Variants in NUDT3 observed in about 807,000 individuals in gnomAD.
NUDT3 encodes the protein nudix hydrolase 3, also known as diphosphoinositol polyphosphate phosphohydrolase 1.
NUDT3 carries 9 observed loss-of-function variants against 23.6 expected under a neutral mutation model. The ratio of observed to expected loss-of-function variants is 0.38; its 90% CI spans 0.23 to 0.66. The LOEUF (loss-of-function observed/expected upper bound fraction) is 0.66, where lower values mean the gene tolerates loss of function less well. NUDT3 is among the 30% of genes least tolerant of loss of function. The pLI is 0.52. For synonymous variants in NUDT3, 86 were observed against 82.6 expected, an observed-to-expected ratio of 1.04 and a Z score of -0.22; for missense variants, 172 against 218.5, an observed-to-expected ratio of 0.79 and a Z score of 1.34.
chr6:34,380,358 A>AT (rs967304656), intron 1 of NUDT3, among the ~76,000 whole-genome samples: 79 of 149,078 alleles, frequency 5.3e-4, no homozygotes, highest in Non-Finnish European at 9.4e-4. Flanking sequence ...AGCCCTATTT[A>AT]TTTTTTTTTT....
chr6:34,335,319 C>T (rs1764193004), intron 2 of NUDT3, among the ~76,000 whole-genome samples: 1 of 152,076 alleles, frequency 6.6e-6, no homozygotes, highest in Admixed American at 6.6e-5. Context: ...GAGTCGTGGC[C>T]TCATTTAATA....
chr6:34,372,966 A>AT (rs1228839563), intron 1 of NUDT3, among the ~76,000 whole-genome samples: 1 of 151,258 alleles, frequency 6.6e-6, no homozygotes, highest in Non-Finnish European at 1.5e-5. Context: ...ATATATATAC[A>AT]TAGAGAGAGA....
chr6:34,280,481 G>A lies in NUDT3; in HGVS notation c.*8272C>T, dbSNP rs1763268054. 2 of 151,434 alleles carry A rather than the reference G, an allele frequency of 1.3e-5. No individual in the cohort carries two copies. Among genetic ancestry groups the A allele is most frequent in the African/African-American group, 4.8e-5 (2 of 41,240 alleles). The allele number at this position is 151,434 out of a possible 1,614,324, so 9.4% of individuals were successfully genotyped here. ...TTATAACCCGCACAAGGTGCCAAGA[G>A]GTTTAAGGACCACAACTGACCTCTC... On this transcript the variant is annotated 3_prime_UTR_variant, in exon 5 of 5. Transcript: ENST00000607016.
intron 2 of NUDT3, among the ~76,000 whole-genome samples, chr6:34,325,508 G>A (rs893395844): frequency 1.3e-5 from 2 of 152,220 alleles, no homozygotes; most frequent in African/African-American, 4.8e-5. Flanking sequence ...ACTGCACCCA[G>A]ACAAAATTAT....
In NUDT3 at chr6:34,284,334, A is replaced by G. The variant is rs144840995; in HGVS notation, c.*4419T>C. ...GGACTAGGATGAAGCTGTATTATCA[A>G]TTACAGAGACAGCCAACTCTCATTT... is the stretch of plus-strand genomic sequence containing the variant. On this transcript the variant is annotated 3_prime_UTR_variant, in exon 5 of 5. Coordinates refer to ENST00000607016, the MANE Select transcript of NUDT3 (RefSeq NM_006703.4). The G allele has an allele frequency of 2.0e-5, 3 of 152,296 alleles. No homozygotes were observed. Among genetic ancestry groups the G allele is most frequent in the East Asian group, 1.9e-4 (1 of 5,182 alleles). 9.4% of individuals were successfully genotyped at this position (152,296 alleles called of 1,614,324 possible). A position where few individuals can be genotyped will look rare whatever the true frequency, so the allele number is the denominator to read the frequency against.
chr6:34,388,275 C>T (rs1765141887), intron 1 of NUDT3, among the ~76,000 whole-genome samples: 2 of 152,098 alleles, frequency 1.3e-5, no homozygotes, highest in South Asian at 2.1e-4. Flanking sequence ...CAACGTTAAG[C>T]GACACATGGC....
rs190427263 is a variant in NUDT3 at position 34,350,528 on chromosome 6, T to C, written c.100-8556A>G. 7.3e-5 allele frequency among the ~76,000 whole-genome samples: 11 copies of C among 151,092 alleles called. No homozygotes were observed. In the East Asian group the frequency reaches 2.1e-3, roughly 29 times the overall value. ...AAAGAACAGCTGTCACAAAGTCTTG[T>C]GCATGATGATCCCATAAAATGTTTA... On this transcript the variant is annotated intron_variant, in intron 1 of 4. Transcript: ENST00000607016.
intron 1 of NUDT3, among the ~76,000 whole-genome samples, chr6:34,388,997 G>C (rs914436081): frequency 2.6e-5 from 4 of 152,212 alleles, no homozygotes; most frequent in Admixed American, 2.6e-4. Context: ...GCCTGGCAAA[G>C]TGGCTCTTGC....
At chr6:34,316,657 G>T (rs189882744) in intron 2 of NUDT3, among the ~76,000 whole-genome samples, 2 of 152,278 alleles carry the variant, frequency 1.3e-5, no homozygotes, top group East Asian at 3.9e-4. Context: ...ATGTAAGATT[G>T]TATTTCCAAC....
intron 1 of NUDT3, among the ~76,000 whole-genome samples, chr6:34,348,194 G>C (rs971435228): frequency 6.6e-6 from 1 of 151,798 alleles, no homozygotes; most frequent in African/African-American, 2.4e-5. Context: ...GGTGAGGCAG[G>C]AGAATCGCTA....
intron 1 of NUDT3, among the ~76,000 whole-genome samples, chr6:34,363,599 GGT>G (rs545578500): frequency 3.4e-4 from 51 of 152,190 alleles, no homozygotes; most frequent in African/African-American, 1.2e-3. Flanking sequence ...GCATGGGCTA[GGT>G]GAGAGTTCTG....
intron 2 of NUDT3, among the ~76,000 whole-genome samples, chr6:34,312,068 A>G (rs1000378178): frequency 6.6e-6 from 1 of 152,220 alleles, no homozygotes; most frequent in Non-Finnish European, 1.5e-5. Flanking sequence ...GAAAAAATTG[A>G]TAAGATGAAC....
intron 1 of NUDT3, among the ~76,000 whole-genome samples, chr6:34,344,631 G>A (rs1268448432): frequency 2.0e-5 from 3 of 152,146 alleles, no homozygotes; most frequent in Non-Finnish European, 4.4e-5. Flanking sequence ...ATATGAAATG[G>A]TGATTGCCAA....
Position 34,285,923 on chromosome 6 carries a change from A to C in NUDT3, c.*2830T>G, listed in dbSNP as rs190947143. ...AACAGGAATCCATTCATGTCACTGAAAAATACTTCTTGGCACAGTTCACTT... is the reference window on the plus strand; with the variant it reads ...AACAGGAATCCATTCATGTCACTGACAAATACTTCTTGGCACAGTTCACTT... On this transcript the variant is annotated 3_prime_UTR_variant, in exon 5 of 5. Coordinates refer to ENST00000607016, the MANE Select transcript of NUDT3 (RefSeq NM_006703.4). The C allele has an allele frequency of 8.5e-5, 13 of 152,322 alleles. No individual in the cohort carries two copies. The highest frequency in any genetic ancestry group is 7.2e-4 in the Admixed American group (11 of 15,306). 9.4% of individuals were successfully genotyped at this position (152,322 alleles called of 1,614,324 possible). A position where few individuals can be genotyped will look rare whatever the true frequency, so the allele number is the denominator to read the frequency against.
intron 1 of NUDT3, among the ~76,000 whole-genome samples, chr6:34,386,432 G>T (rs748879223): frequency 1.3e-5 from 2 of 152,118 alleles, no homozygotes; most frequent in Non-Finnish European, 2.9e-5. Flanking sequence ...TAGACTCTAA[G>T]CTCCCTGCAT....
intron 4 of NUDT3, among the ~76,000 whole-genome samples, chr6:34,292,448 C>T (rs1763436798): frequency 6.6e-6 from 1 of 152,094 alleles, no homozygotes; most frequent in African/African-American, 2.4e-5. Flanking sequence ...ACCTTTGTAC[C>T]ACCACAGTTT....
At chr6:34,297,760 A>ATATATATATATATATGTATTTTT (rs1763535832) in intron 2 of NUDT3, among the ~76,000 whole-genome samples, 2 of 53,646 alleles carry the variant, frequency 3.7e-5, no homozygotes, top group Admixed American at 2.6e-4. Flanking sequence ...TATATATATA[A>ATATATATATATATATGTATTTTT]TTTTTTTTTT....
intron 2 of NUDT3, among the ~76,000 whole-genome samples, chr6:34,305,767 T>C (rs1358297389): frequency 6.6e-6 from 1 of 152,260 alleles, no homozygotes; most frequent in Non-Finnish European, 1.5e-5. Context: ...TGATGATTTG[T>C]GCTTTAACTC....
At position 34,347,730 on chromosome 6, in the gene NUDT3, C is replaced by G. The variant is rs1471638938; in HGVS notation, c.100-5758G>C. Among the ~76,000 whole-genome samples, 3 of 152,006 alleles carry G rather than the reference C, an allele frequency of 2.0e-5. No individual in the cohort carries two copies. The East Asian group carries it at 5.8e-4, about 29-fold the overall frequency. On this transcript the variant is annotated intron_variant, in intron 1 of 4. Coordinates refer to ENST00000607016, the MANE Select transcript of NUDT3 (RefSeq NM_006703.4). ...AAATTTTTAAAATATAAAAGAAACC[C>G]ATAGTCCCTGCCCTATAGGAACTGA...
Sources: gnomAD v4.1 joint callset for allele counts (sites outside exome capture counted in the v4.1 genomes callset) on GRCh38, gnomAD v4.1.1 for gene constraint, MANE v1.5 for transcripts, NCBI Gene and HGNC (gene_info 2026-07-23, HGNC 2026-07-21) for gene names.